ALMS1: variants seen among roughly 807,000 people sequenced by gnomAD.
ALMS1 encodes centrosome-associated protein ALMS1.
In ALMS1, 271 loss-of-function variants were observed where a neutral mutation model predicts 352.2. That is an observed-to-expected ratio of 0.77 (90% CI 0.70 to 0.85). The LOEUF is 0.85. Among genes scored for constraint, ALMS1 ranks in the 40% least tolerant of loss-of-function variants. The probability of loss-of-function intolerance (pLI) is 0.00; values close to 1 mark genes in which losing one functional copy is unlikely to be tolerated. For missense variants in ALMS1, 5,445 were observed against 4,870.7 expected, an observed-to-expected ratio of 1.12 and a Z score of -3.51; for synonymous variants, 1,865 against 1,761.2, an observed-to-expected ratio of 1.06 and a Z score of -1.48.
chr2:73,545,704 T>C (rs949439923), intron 12 of ALMS1, among the ~76,000 whole-genome samples: 1 of 152,206 alleles, frequency 6.6e-6, no homozygotes, highest in African/African-American at 2.4e-5. Context: ...GATAAATAAT[T>C]TTAGCATATG....
chr2:73,564,396 G>T (rs1272026497), intron 15 of ALMS1, among the ~76,000 whole-genome samples: 1 of 149,152 alleles, frequency 6.7e-6, no homozygotes, highest in Non-Finnish European at 1.5e-5. Flanking sequence ...AACCTGGGAG[G>T]CAGAGGCGAC....
chr2:73,457,667 A>G (rs1368717513), intron 9 of ALMS1, among the ~76,000 whole-genome samples: 1 of 152,056 alleles, frequency 6.6e-6, no homozygotes, highest in African/African-American at 2.4e-5. Flanking sequence ...GCTTTGTGCC[A>G]TTTATATATT....
intron 12 of ALMS1, among the ~76,000 whole-genome samples, chr2:73,541,815 C>T (rs1238820199): frequency 2.6e-5 from 4 of 152,174 alleles, no homozygotes; most frequent in South Asian, 2.1e-4. Context: ...AAGACTAAAC[C>T]AGGAAGAAGT....
At chr2:73,444,504 G>A (rs1031391899) in intron 7 of ALMS1, among the ~76,000 whole-genome samples, 1 of 152,122 alleles carries the variant, frequency 6.6e-6, no homozygotes, top group African/African-American at 2.4e-5. Flanking sequence ...TCCTGCTTTC[G>A]CATTGAAAAA....
chr2:73,528,088 T>C (rs1213137543), intron 11 of ALMS1, among the ~76,000 whole-genome samples: 1 of 152,206 alleles, frequency 6.6e-6, no homozygotes, highest in Admixed American at 6.5e-5. Flanking sequence ...TTTCTAGTTT[T>C]ATTTCATTGT....
chr2:73,545,134 A>G (rs538571571), intron 12 of ALMS1, among the ~76,000 whole-genome samples: 1 of 151,640 alleles, frequency 6.6e-6, no homozygotes, highest in East Asian at 1.9e-4. Context: ...GTGTGAATAT[A>G]CTTAATGCCA....
chr2:73,601,462 A>G (rs1675686931), intron 19 of ALMS1, 26 bp downstream of exon 19: 1 of 1,611,986 alleles, frequency 6.2e-7, no homozygotes, highest in African/African-American at 1.3e-5. Context: ...CTTAACTTTA[A>G]TGCTACGTGT....
At chr2:73,550,103 G>A (rs891715328) in intron 12 of ALMS1, among the ~76,000 whole-genome samples, 164 bp from the exon 13 acceptor site, 6 of 152,138 alleles carry the variant, frequency 3.9e-5, no homozygotes, top group African/African-American at 1.2e-4. Context: ...CAGGCAATCC[G>A]CCTGCCTCCA....
intron 15 of ALMS1, among the ~76,000 whole-genome samples, chr2:73,567,597 G>A (rs1205139367): frequency 6.6e-6 from 1 of 152,164 alleles, no homozygotes; most frequent in African/African-American, 2.4e-5. Context: ...AATACAGTGG[G>A]CACTTACTCT....
Position 73,600,807 on chromosome 2 carries a change from G to T in ALMS1, c.11798G>T (p.Arg3933Leu), listed in dbSNP as rs45576434. 6 of 1,614,078 alleles carry T rather than the reference G, an allele frequency of 3.7e-6. No individual in the cohort carries two copies. The African/African-American group carries it at 6.7e-5, about 18-fold the overall frequency. The change falls in exon 18 of 23, where the codon CGT (arginine) becomes CTT (leucine). Residue 3933 changes from arginine to leucine, a missense_variant. Arg to Leu is a moderately radical substitution (Grantham distance 102). Coordinates refer to ENST00000613296, the MANE Select transcript of ALMS1 (RefSeq NM_001378454.1). Reference sequence around the variant, plus strand: ...GTGACTTCTTGGTCAGAAGAAAAACGTGAAGAGAAAATGCTCTTTACCGGT... The same window carrying T: ...GTGACTTCTTGGTCAGAAGAAAAACTTGAAGAGAAAATGCTCTTTACCGGT... Reference protein sequence around the residue: ...SDVTSWSEEKREEKMLFTGYP... With the variant: ...SDVTSWSEEKLEEKMLFTGYP...
At chr2:73,527,006 T>C (rs1673805217) in intron 11 of ALMS1, among the ~76,000 whole-genome samples, 3 of 152,166 alleles carry the variant, frequency 2.0e-5, no homozygotes, top group Non-Finnish European at 4.4e-5. Context: ...AAGAAATGTT[T>C]TTTCATCGTC....
chr2:73,501,585 C>G (rs1320332773), intron 10 of ALMS1, among the ~76,000 whole-genome samples: 1 of 151,942 alleles, frequency 6.6e-6, no homozygotes, highest in East Asian at 1.9e-4. Context: ...TAGTTGGAAC[C>G]TTGGTCAAAA....
At chr2:73,495,819 C>T (rs1010926511) in intron 10 of ALMS1, among the ~76,000 whole-genome samples, 1 of 152,118 alleles carries the variant, frequency 6.6e-6, no homozygotes, top group Non-Finnish European at 1.5e-5. Flanking sequence ...TTTGTAACTT[C>T]TGTCTCTAAT....
Position 73,534,826 on chromosome 2 carries a change from C to T in ALMS1, c.9784C>T (p.Gln3262Ter). The stretch of plus-strand genomic sequence containing the variant: ...TGTTCTGATTTTTACCTCCTTAGGC[C>T]AGCCTTTATTATTGCCATATAAGCC... ...QVTFSRGTDG[Q>*]PLLLPYKPSG... is the part of the protein sequence containing the mutation. The change falls in exon 12 of 23, where the codon CAG (glutamine) becomes TAG (stop). Residue 3262 changes from glutamine to a stop codon, truncating the protein, a stop_gained and splice_region_variant. Transcript: ENST00000613296. LOFTEE classifies it high-confidence loss of function. 6.2e-7 allele frequency: 1 copy of T among 1,613,276 alleles called. No homozygotes were observed. Among genetic ancestry groups the T allele is most frequent in the Non-Finnish European group, 8.5e-7 (1 of 1,179,438 alleles).
At chr2:73,386,342 G>C (rs1437809267) in intron 1 of ALMS1, 150 bp downstream of exon 1, 18 of 1,148,302 alleles carry the variant, frequency 1.6e-5, no homozygotes, top group Non-Finnish European at 1.2e-6. Flanking sequence ...CAGCCCAGGT[G>C]CCGGCCGGCT....
intron 7 of ALMS1, among the ~76,000 whole-genome samples, chr2:73,435,236 G>C (rs899388978): frequency 1.3e-5 from 2 of 152,062 alleles, no homozygotes; most frequent in Non-Finnish European, 2.9e-5. Context: ...TAATCTGTTT[G>C]CATTTAATGT....
intron 2 of ALMS1, among the ~76,000 whole-genome samples, chr2:73,417,603 G>A (rs1483284197): frequency 6.6e-6 from 1 of 152,026 alleles, no homozygotes; most frequent in Non-Finnish European, 1.5e-5. Context: ...AGGCTGAGGT[G>A]GGAGGATTAA....
chr2:73,485,748 G>A (rs956428467), intron 9 of ALMS1, among the ~76,000 whole-genome samples: 3 of 152,040 alleles, frequency 2.0e-5, no homozygotes, highest in South Asian at 2.1e-4. Context: ...TAGGACGCTC[G>A]GAGCCAGGTG....
chr2:73,480,129 G>C (rs1395818371), intron 9 of ALMS1, among the ~76,000 whole-genome samples: 1 of 151,558 alleles, frequency 6.6e-6, no homozygotes, highest in Non-Finnish European at 1.5e-5. Flanking sequence ...ACATTGTGCA[G>C]GTTAGTTACA....
Sources: allele counts gnomAD v4.1 joint callset (sites outside exome capture counted in the v4.1 genomes callset), GRCh38; gene constraint gnomAD v4.1.1; transcripts MANE v1.5; gene names NCBI Gene and HGNC (gene_info 2026-07-23, HGNC 2026-07-21).